The following PVT1 variants were observed in gnomAD, a reference collection of about 807,000 sequenced individuals.
PVT1 encodes Pvt1 oncogene, also known as CXCR4/PVT1 fusion.
chr8:127,986,391 G>T (rs1816970901), intron 3 of PVT1, among the ~76,000 whole-genome samples: 1 of 152,196 alleles, frequency 6.6e-6, no homozygotes, highest in Non-Finnish European at 1.5e-5. Context: ...CATCAGGGAA[G>T]TGTTGTCAGT....
intron 2 of PVT1, among the ~76,000 whole-genome samples, chr8:127,889,216 G>C (rs765724129): frequency 1.3e-5 from 2 of 150,974 alleles, no homozygotes; most frequent in African/African-American, 4.9e-5. Flanking sequence ...TGCAACCTCC[G>C]TCTCCTTGGT....
chr8:127,908,016 A>T (rs1815844020), intron 3 of PVT1, among the ~76,000 whole-genome samples: 1 of 152,162 alleles, frequency 6.6e-6, no homozygotes, highest in Admixed American at 6.5e-5. Context: ...TATGCCTTCC[A>T]GTGACTAAGG....
intron 4 of PVT1, among the ~76,000 whole-genome samples, chr8:127,992,612 C>T (rs78620423): frequency 3.3e-5 from 5 of 152,088 alleles, no homozygotes; most frequent in Non-Finnish European, 2.9e-5. Context: ...GAACCTTGCC[C>T]GAGGAAATGG....
intron 4 of PVT1, among the ~76,000 whole-genome samples, chr8:128,054,924 A>G (rs1181908791): frequency 1.3e-5 from 2 of 152,194 alleles, no homozygotes; most frequent in African/African-American, 4.8e-5. Flanking sequence ...AGAGCACATT[A>G]TCTTCCATAA....
intron 4 of PVT1, among the ~76,000 whole-genome samples, chr8:128,016,604 G>A (rs1817377076): frequency 6.6e-6 from 1 of 152,212 alleles, no homozygotes; most frequent in Non-Finnish European, 1.5e-5. Flanking sequence ...GTATCTTATA[G>A]ATTGTCTTTG....
chr8:127,863,936 G>A (rs984525283), intron 2 of PVT1, among the ~76,000 whole-genome samples: 7 of 152,224 alleles, frequency 4.6e-5, no homozygotes, highest in Non-Finnish European at 8.8e-5. Context: ...CATGCCCGCT[G>A]GCATCACTGA....
intron 3 of PVT1, chr8:127,947,508 C>T (rs980178319): frequency 2.8e-6 from 1 of 352,376 alleles, no homozygotes; most frequent in Non-Finnish European, 5.6e-6. Flanking sequence ...GCCAGGCACA[C>T]TGAGCCTGTA....
At chr8:127,883,026 C>T (rs573225602) in intron 2 of PVT1, among the ~76,000 whole-genome samples, 62 of 149,600 alleles carry the variant, frequency 4.1e-4, no homozygotes, top group African/African-American at 1.4e-3. Flanking sequence ...CATGCCTGCA[C>T]ACACACACTT....
At chr8:127,910,752 A>G (rs1815884409) in intron 3 of PVT1, among the ~76,000 whole-genome samples, 1 of 152,208 alleles carries the variant, frequency 6.6e-6, no homozygotes, top group Non-Finnish European at 1.5e-5. Context: ...TACAAACAAG[A>G]AAACTGGAGG....
chr8:127,893,077 G>T (rs1013839130), intron 3 of PVT1, among the ~76,000 whole-genome samples: 2 of 152,126 alleles, frequency 1.3e-5, no homozygotes, highest in Non-Finnish European at 2.9e-5. Flanking sequence ...AGACACCAAA[G>T]GACACAGAAT....
At chr8:127,929,789 A>G (rs1341355483) in intron 3 of PVT1, among the ~76,000 whole-genome samples, 3 of 152,166 alleles carry the variant, frequency 2.0e-5, no homozygotes, top group Non-Finnish European at 4.4e-5. Context: ...AGAAGTGTCA[A>G]GGTCATGAGT....
chr8:127,812,974 G>A (rs1475961407), intron 2 of PVT1, among the ~76,000 whole-genome samples: 2 of 151,952 alleles, frequency 1.3e-5, no homozygotes, highest in South Asian at 2.1e-4. Context: ...GAGAGAAAGA[G>A]CATTGACAAT....
At position 127,876,603 on chromosome 8, in the gene PVT1, C is replaced by G. The variant is rs542573590; in HGVS notation, n.373-13986C>G. Among the ~76,000 whole-genome samples the G allele has an allele frequency of 2.0e-5, 3 of 152,098 alleles. No individual in the cohort carries two copies. The East Asian group carries it at 5.8e-4, about 29-fold the overall frequency. ...TTCCCTGGATGATATTAGCATTACCCGTACACTCTTCCCATCTCCTGGCCC... is the reference window on the plus strand; with the variant it reads ...TTCCCTGGATGATATTAGCATTACCGGTACACTCTTCCCATCTCCTGGCCC... On this transcript the variant is annotated intron_variant and non_coding_transcript_variant, in intron 2 of 10. Transcript: ENST00000651587.
At chr8:128,062,963 G>A (rs1192562507) in intron 4 of PVT1, among the ~76,000 whole-genome samples, 1 of 152,154 alleles carries the variant, frequency 6.6e-6, no homozygotes, top group Non-Finnish European at 1.5e-5. Context: ...AGTATCTGGG[G>A]CAAGTCACAG....
intron 4 of PVT1, among the ~76,000 whole-genome samples, chr8:127,995,513 A>G (rs1217315482): frequency 1.3e-5 from 2 of 152,166 alleles, no homozygotes. Context: ...ATTGTGCATT[A>G]TATCAGTCCG....
At chr8:127,812,268 A>AAGGAAGGAAGGAAGGCAGGAAGGC (rs1814606200) in intron 2 of PVT1, among the ~76,000 whole-genome samples, 3 of 131,304 alleles carry the variant, frequency 2.3e-5, no homozygotes, top group African/African-American at 6.7e-5. Flanking sequence ...GGAAGGCAGG[A>AAGGAAGGAAGGAAGGCAGGAAGGC]AGGAAGGAAG....
chr8:128,021,137 G>A (rs1041463748), intron 4 of PVT1, among the ~76,000 whole-genome samples: 1 of 151,952 alleles, frequency 6.6e-6, no homozygotes, highest in African/African-American at 2.4e-5. Flanking sequence ...CAACTTCCTG[G>A]AGTGCGGCTT....
chr8:127,949,544 G>C (rs1320012559), intron 3 of PVT1, among the ~76,000 whole-genome samples: 1 of 151,384 alleles, frequency 6.6e-6, no homozygotes, highest in Non-Finnish European at 1.5e-5. Context: ...TCCCTATTCA[G>C]CCACCCCCAC....
intron 2 of PVT1, among the ~76,000 whole-genome samples, chr8:127,834,664 C>A (rs1419917210): frequency 6.6e-6 from 1 of 152,152 alleles, no homozygotes; most frequent in Non-Finnish European, 1.5e-5. Flanking sequence ...TTTTTGCAAT[C>A]TATCCATCTG....
Sources: allele counts gnomAD v4.1 joint callset (sites outside exome capture counted in the v4.1 genomes callset), GRCh38; gene constraint gnomAD v4.1.1; transcripts MANE v1.5; gene names NCBI Gene and HGNC (gene_info 2026-07-23, HGNC 2026-07-21).